The following GPC6 variants were observed in gnomAD, a reference collection of about 807,000 sequenced individuals.
GPC6 encodes glypican 6, also known as glypican-6.
GPC6 carries 14 observed loss-of-function variants against 55.2 expected under a neutral mutation model. That is an observed-to-expected ratio of 0.25 (90% CI 0.17 to 0.40). The LOEUF (loss-of-function observed/expected upper bound fraction) is 0.40. GPC6 is among the 10% of genes least tolerant of loss of function. GPC6 has a pLI of 1.00. For missense variants in GPC6, 641 were observed against 708.5 expected, an observed-to-expected ratio of 0.90 and a Z score of 1.08; for synonymous variants, 278 against 259.6, an observed-to-expected ratio of 1.07 and a Z score of -0.68.
At chr13:93,673,870 A>G (rs115163548) in intron 2 of GPC6, among the ~76,000 whole-genome samples, 44 of 152,274 alleles carry the variant, frequency 2.9e-4, no homozygotes, top group African/African-American at 1.0e-3. Context: ...GAGAGATTTG[A>G]TTACATCATG....
At chr13:93,816,914 C>T (rs1022818178) in intron 2 of GPC6, among the ~76,000 whole-genome samples, 2 of 152,098 alleles carry the variant, frequency 1.3e-5, no homozygotes, top group African/African-American at 4.8e-5. Flanking sequence ...AAGTGGATTT[C>T]ATTTGAATCT....
At chr13:93,367,084 A>G (rs1881277936) in intron 1 of GPC6, among the ~76,000 whole-genome samples, 3 of 152,192 alleles carry the variant, frequency 2.0e-5, no homozygotes, top group South Asian at 4.1e-4. Context: ...TTAAAATTTT[A>G]TCATCACCAA....
At position 93,823,983 on chromosome 13, in the gene GPC6, A is replaced by G. The variant is rs539074867; in HGVS notation, c.320-6171A>G. ...CCCAAAGGAATTATTGCTTAAAGCA[A>G]TATTGTCTTTTAATAATCATAGATT... is the stretch of plus-strand genomic sequence containing the variant. On this transcript the variant is annotated intron_variant, in intron 2 of 8. Coordinates refer to ENST00000377047, the MANE Select transcript of GPC6 (RefSeq NM_005708.5). Among the ~76,000 whole-genome samples the G allele has an allele frequency of 1.1e-4, 16 of 152,324 alleles. No homozygotes were observed. The South Asian group carries it at 3.1e-3, about 30-fold the overall frequency.
chr13:93,865,038 T>C (rs558809992), intron 3 of GPC6, among the ~76,000 whole-genome samples: 101 of 151,784 alleles, frequency 6.7e-4, no homozygotes, highest in African/African-American at 2.3e-3. Context: ...ATTAAGTGCC[T>C]CCATGAATGG....
intron 4 of GPC6, among the ~76,000 whole-genome samples, chr13:94,185,556 TG>T (rs922491291): frequency 6.6e-6 from 1 of 151,874 alleles, no homozygotes; most frequent in Non-Finnish European, 1.5e-5. Context: ...ATATAGCCAT[TG>T]GGGATAATAG....
chr13:93,542,487 T>C (rs962168161), intron 1 of GPC6, among the ~76,000 whole-genome samples: 2 of 152,256 alleles, frequency 1.3e-5, no homozygotes, highest in African/African-American at 2.4e-5. Context: ...TTTTGGCTTA[T>C]GATTGACTTG....
At chr13:93,282,120 G>A (rs552803570) in intron 1 of GPC6, among the ~76,000 whole-genome samples, 93 of 152,254 alleles carry the variant, frequency 6.1e-4, no homozygotes, top group African/African-American at 1.9e-3. Context: ...AGTTTTTACA[G>A]CCTGTGAACA....
intron 4 of GPC6, among the ~76,000 whole-genome samples, chr13:94,283,123 C>G (rs575974267): frequency 7.9e-5 from 12 of 152,340 alleles, no homozygotes; most frequent in African/African-American, 2.4e-4. Context: ...TTCCTCATAG[C>G]AATTGCTGTC....
chr13:93,589,136 G>A lies in GPC6; in HGVS notation c.319+43715G>A, dbSNP rs531406018. 2.0e-5 allele frequency among the ~76,000 whole-genome samples: 3 copies of A among 152,138 alleles called. No individual in the cohort carries two copies. The East Asian group carries it at 5.8e-4, about 29-fold the overall frequency. On this transcript the variant is annotated intron_variant, in intron 2 of 8. Coordinates refer to ENST00000377047, the MANE Select transcript of GPC6 (RefSeq NM_005708.5). ...GAAAGTTGGAAAAAGAGTACAAGGAGCTCCTTTATACCCTTAATCTAGATT... is the reference window on the plus strand; with the variant it reads ...GAAAGTTGGAAAAAGAGTACAAGGAACTCCTTTATACCCTTAATCTAGATT...
chr13:93,399,494 C>T (rs190141175), intron 1 of GPC6, among the ~76,000 whole-genome samples: 34 of 152,298 alleles, frequency 2.2e-4, no homozygotes, highest in Non-Finnish European at 3.1e-4. Context: ...GGATACAACA[C>T]AGGAATTCAC....
At chr13:94,114,096 CAAAAAAAAAAAA>C (rs10581935) in intron 4 of GPC6, among the ~76,000 whole-genome samples, 3 of 34,366 alleles carry the variant, frequency 8.7e-5, no homozygotes, top group African/African-American at 2.3e-4. Context: ...TTAGCTTTAT[CAAAAAAAAAAAA>C]AAAAAAAAAA....
At chr13:93,668,315 G>A (rs1881225440) in intron 2 of GPC6, among the ~76,000 whole-genome samples, 2 of 152,128 alleles carry the variant, frequency 1.3e-5, no homozygotes. Context: ...TGTGTAAAAA[G>A]TTGCCACTTA....
intron 4 of GPC6, among the ~76,000 whole-genome samples, chr13:94,282,593 A>G (rs944625014): frequency 6.6e-6 from 1 of 152,184 alleles, no homozygotes; most frequent in Non-Finnish European, 1.5e-5. Flanking sequence ...CTTCTGCTCC[A>G]TGTGGTGCTG....
chr13:93,574,176 C>T (rs1440563339), intron 2 of GPC6, among the ~76,000 whole-genome samples: 1 of 152,166 alleles, frequency 6.6e-6, no homozygotes, highest in Non-Finnish European at 1.5e-5. Flanking sequence ...AAGTCCTAAC[C>T]TGTAATACCT....
chr13:93,277,672 A>G (rs2139062911), intron 1 of GPC6, among the ~76,000 whole-genome samples: 1 of 152,304 alleles, frequency 6.6e-6, no homozygotes, highest in East Asian at 1.9e-4. Context: ...TTCACATTCA[A>G]TTTAGTAATT....
At chr13:93,601,266 C>T (rs1878004672) in intron 2 of GPC6, among the ~76,000 whole-genome samples, 2 of 151,930 alleles carry the variant, frequency 1.3e-5, no homozygotes, top group Non-Finnish European at 2.9e-5. Context: ...CACCTGAAAT[C>T]CCAGCTACTT....
chr13:93,522,112 G>C (rs963728831), intron 1 of GPC6, among the ~76,000 whole-genome samples: 11 of 151,856 alleles, frequency 7.2e-5, no homozygotes, highest in African/African-American at 2.7e-4. Context: ...GGTATCTTTG[G>C]TGGAAAACTA....
chr13:93,391,050 C>A (rs1875612691), intron 1 of GPC6, among the ~76,000 whole-genome samples: 1 of 151,990 alleles, frequency 6.6e-6, no homozygotes, highest in South Asian at 2.1e-4. Flanking sequence ...CAAGGAACAA[C>A]TTTTACCAAC....
At chr13:93,361,262 C>T (rs72639037) in intron 1 of GPC6, among the ~76,000 whole-genome samples, 556 of 152,230 alleles carry the variant, frequency 3.7e-3, no homozygotes, top group Non-Finnish European at 6.3e-3. Context: ...CCCGCTCAAA[C>T]AGAGAAAATG....
Sources: allele counts gnomAD v4.1 joint callset (sites outside exome capture counted in the v4.1 genomes callset), GRCh38; gene constraint gnomAD v4.1.1; transcripts MANE v1.5; gene names NCBI Gene and HGNC (gene_info 2026-07-23, HGNC 2026-07-21).